The following SVIL variants were observed in gnomAD, a reference collection of about 807,000 sequenced individuals.
SVIL encodes the protein archvillin.
SVIL carries 101 observed loss-of-function variants against 240.4 expected under a neutral mutation model. The ratio of observed to expected loss-of-function variants is 0.42; its 90% CI spans 0.36 to 0.50. The LOEUF is 0.50. SVIL is among the 20% of genes least tolerant of loss of function. SVIL has a pLI of 0.01. For synonymous variants in SVIL, 999 were observed against 1,100.0 expected, an observed-to-expected ratio of 0.91 and a Z score of 1.82; for missense variants, 2,512 against 2,818.7, an observed-to-expected ratio of 0.89 and a Z score of 2.46.
chr10:29,538,108 A>C (rs1013488274), intron 6 of SVIL, among the ~76,000 whole-genome samples: 13 of 152,226 alleles, frequency 8.5e-5, no homozygotes, highest in Non-Finnish European at 1.2e-4. Flanking sequence ...TCAAGTTCCT[A>C]TAACGAATCT....
At chr10:29,643,699 G>A (rs1485959310) in intron 3 of SVIL, among the ~76,000 whole-genome samples, 1 of 152,094 alleles carries the variant, frequency 6.6e-6, no homozygotes, top group Admixed American at 6.6e-5. Context: ...CTGTCTGTCT[G>A]GTCTCGCTTT....
At chr10:29,647,985 AC>A (rs570204366) in intron 3 of SVIL, among the ~76,000 whole-genome samples, 184 of 147,576 alleles carry the variant, frequency 1.2e-3, no homozygotes, top group Middle Eastern at 0.01. Context: ...AAAAAAAAAA[AC>A]AAAAAAAATC....
At position 29,634,660 on chromosome 10, in the gene SVIL, C is replaced by T. The variant is rs150439919; in HGVS notation, c.-441G>A. 73 of 152,166 alleles carry T rather than the reference C, an allele frequency of 4.8e-4. No homozygotes were observed. Among genetic ancestry groups the T allele is most frequent in the African/African-American group, 1.3e-3 (56 of 41,510 alleles). The allele number at this position is 152,166 out of a possible 1,614,324, so 9.4% of individuals were successfully genotyped here. On this transcript the variant is annotated 5_prime_UTR_variant, in exon 1 of 38. In the 5' UTR this introduces an upstream ATG that the reference lacks. Coordinates refer to ENST00000355867, the MANE Select transcript of SVIL (RefSeq NM_021738.3). ...TAGCGTTGTACAAAATCAAAGATCA[C>T]GATGTCAGCAAGCAACTGCATCTAT...
At position 29,555,313 on chromosome 10, in the gene SVIL, G is replaced by GAC. The variant is rs60699689; in HGVS notation, c.-50-207_-50-206dup. 0.06 allele frequency among the ~76,000 whole-genome samples: 7,976 copies of GAC among 132,570 alleles called. 345 individuals carry two copies. Among genetic ancestry groups the GAC allele is most frequent in the African/African-American group, 0.14 (4,875 of 35,362 alleles). 87.0% of individuals were successfully genotyped at this position (132,570 alleles called of 152,430 possible). A position where few individuals can be genotyped will look rare whatever the true frequency, so the allele number is the denominator to read the frequency against. On this transcript the variant is annotated intron_variant, in intron 3 of 37. Transcript: ENST00000355867. ...GATGCCAAATGAATAAGAGTGTGCA[G>GAC]ACACACACACACACACACACACACA...
rs376724529 is a variant in SVIL, at chr10:29,551,238, A to G, written c.186T>C (p.Thr62=). Residue 62 remains threonine (T), a synonymous_variant, in exon 6 of 38, where the codon ACT becomes ACC. Coordinates refer to ENST00000355867, the MANE Select transcript of SVIL (RefSeq NM_021738.3). ...HIGRSNEEEE[T]SDSSLEKQTR... ...TTTGCTTTTCTAGAGAAGAATCAGAAGTTTCCTCCTCTTCATTTGATCGGC... is the reference window on the plus strand; with the variant it reads ...TTTGCTTTTCTAGAGAAGAATCAGAGGTTTCCTCCTCTTCATTTGATCGGC... 15 of 1,602,500 alleles carry G rather than the reference A, an allele frequency of 9.4e-6. No homozygotes were observed. The highest frequency in any genetic ancestry group is 1.7e-4 in the Middle Eastern group (1 of 5,976).
intron 10 of SVIL, among the ~76,000 whole-genome samples, 154 bp downstream of exon 10, chr10:29,531,100 T>C (rs1353384577): frequency 6.6e-6 from 1 of 152,200 alleles, no homozygotes; most frequent in Admixed American, 6.5e-5. Context: ...AAATTTCAAC[T>C]AGATTTTATC....
chr10:29,614,510 A>T (rs934348683), intron 1 of SVIL, among the ~76,000 whole-genome samples: 5 of 152,242 alleles, frequency 3.3e-5, no homozygotes, highest in African/African-American at 1.2e-4. Flanking sequence ...TGTCCTTTGC[A>T]GGGACATGGA....
At chr10:29,488,207 G>A (rs1309267766) in intron 23 of SVIL, among the ~76,000 whole-genome samples, 7 of 128,514 alleles carry the variant, frequency 5.4e-5, no homozygotes, top group Non-Finnish European at 8.7e-5. Flanking sequence ...GGAGAACTGG[G>A]CAGAGAGCAG....
chr10:29,665,415 T>A (rs903158565), intron 2 of SVIL, among the ~76,000 whole-genome samples: 2 of 152,008 alleles, frequency 1.3e-5, no homozygotes, highest in Non-Finnish European at 2.9e-5. Flanking sequence ...CTCTACTGAC[T>A]TCATAGGTGC....
intron 1 of SVIL, among the ~76,000 whole-genome samples, chr10:29,687,608 G>A (rs1961177254): frequency 6.6e-6 from 1 of 152,224 alleles, no homozygotes. Context: ...TGGGAAGGGA[G>A]GTTGCAGTTA....
chr10:29,484,637 C>A lies in SVIL; in HGVS notation c.4955+19G>T. On this transcript the variant is annotated intron_variant, in intron 27 of 37. Coordinates refer to ENST00000355867, the MANE Select transcript of SVIL (RefSeq NM_021738.3). The surrounding 1 kb of genome is among the most constrained non-coding windows in gnomAD (Gnocchi z 4.7). ...ATCAGCTCGCTTGAAGAGCTGTCCC[C>A]GGGCGGCGGCAGGAGTACCTGGGGA... The A allele has an allele frequency of 6.2e-7, 1 of 1,601,006 alleles. No homozygotes were observed. The highest frequency in any genetic ancestry group is 1.1e-5 in the South Asian group (1 of 88,846).
At chr10:29,590,665 C>G (rs180811929) in intron 1 of SVIL, among the ~76,000 whole-genome samples, 12 of 152,274 alleles carry the variant, frequency 7.9e-5, no homozygotes, top group Admixed American at 7.8e-4. Context: ...CATTATCAGG[C>G]TGTATTTATG....
intron 1 of SVIL, among the ~76,000 whole-genome samples, chr10:29,695,375 C>T (rs1032401948): frequency 6.6e-6 from 1 of 152,116 alleles, no homozygotes; most frequent in African/African-American, 2.4e-5. Context: ...CACTAAGTGC[C>T]CTGACTTCAC....
At chr10:29,690,300 G>A (rs1961402801) in intron 1 of SVIL, among the ~76,000 whole-genome samples, 1 of 152,032 alleles carries the variant, frequency 6.6e-6, no homozygotes, top group Non-Finnish European at 1.5e-5. Flanking sequence ...TATTTTCATA[G>A]TTTTCAGTTA....
Position 29,523,869 on chromosome 10 carries a change from T to C in SVIL, c.2745A>G (p.Ile915Met). ...SATDYKFSSS[I>M]ENSDSPVRSI... ...TTCTAACTGGAGAGTCCGAATTTTC[T>C]ATTGAAGAAGAAAACTTATAGTCAG... The change falls in exon 15 of 38, where the codon ATA becomes ATG. Residue 915 changes from isoleucine (I) to methionine (M), a missense_variant. Ile to Met is a conservative substitution (Grantham distance 10, BLOSUM62 1). This residue lies in a region of SVIL where 1,443 missense variants were observed against 1,486.6 expected (regional missense o/e 0.97). Transcript: ENST00000355867. 3 of 1,614,222 alleles carry C rather than the reference T, an allele frequency of 1.9e-6. No individual in the cohort carries two copies. In the Middle Eastern group the frequency reaches 4.9e-4, roughly 266 times the overall value.
chr10:29,483,699 T>C (rs1327095433), intron 27 of SVIL: 1 of 152,240 alleles, frequency 6.6e-6, no homozygotes, highest in East Asian at 1.9e-4. Context: ...GTCCTTAAAA[T>C]AATGGTTGTT....
intron 2 of SVIL, among the ~76,000 whole-genome samples, chr10:29,564,883 T>C (rs1426718898): frequency 6.6e-6 from 1 of 152,228 alleles, no homozygotes; most frequent in Admixed American, 6.5e-5. Flanking sequence ...CACCGACTTC[T>C]AAACACTGAA....
chr10:29,585,264 G>A (rs1468361518), intron 1 of SVIL, among the ~76,000 whole-genome samples: 1 of 152,018 alleles, frequency 6.6e-6, no homozygotes, highest in Non-Finnish European at 1.5e-5. Context: ...GTTTTGCCAT[G>A]TTGCCCAGGT....
intron 6 of SVIL, among the ~76,000 whole-genome samples, chr10:29,545,853 CAAAAAAAAAAAAAAAAAA>C (rs755360700): frequency 3.1e-5 from 2 of 63,570 alleles, no homozygotes; most frequent in Non-Finnish European, 5.7e-5. Flanking sequence ...GACTCTGTCT[CAAAAAAAAAAAAAAAAAA>C]AAAAAAAAGA....
Sources: gnomAD v4.1 joint callset for allele counts (sites outside exome capture counted in the v4.1 genomes callset) on GRCh38, gnomAD v4.1.1 for gene constraint, gnomAD v4.1.1 regional missense constraint, Gnocchi (gnomAD v3.1) non-coding constraint, MANE v1.5 for transcripts, NCBI Gene and HGNC (gene_info 2026-07-23, HGNC 2026-07-21) for gene names.